The following ARID1A variants were observed in gnomAD, a reference collection of about 807,000 sequenced individuals.
The protein encoded by ARID1A is AT-rich interactive domain-containing protein 1A.
Under a neutral mutation model 212.6 loss-of-function variants are expected in ARID1A, and 20 were observed. That is an observed-to-expected ratio of 0.09 (90% CI 0.07 to 0.14). The LOEUF (loss-of-function observed/expected upper bound fraction) is 0.14. ARID1A is among the 10% of genes least tolerant of loss of function. The probability of loss-of-function intolerance (pLI) is 1.00; values close to 1 mark genes in which losing one functional copy is unlikely to be tolerated. For missense variants in ARID1A, 2,587 were observed against 3,059.0 expected (o/e 0.85, Z 3.64); for synonymous variants, 1,376 against 1,222.1 (o/e 1.13, Z -2.63).
At chr1:26,754,234 TA>T (rs1243768480) in intron 4 of ARID1A, among the ~76,000 whole-genome samples, 3 of 152,176 alleles carry the variant, frequency 2.0e-5, no homozygotes, top group Admixed American at 2.0e-4. Context: ...TGGCTTTTTG[TA>T]GAGTAGAAAG....
chr1:26,779,534 G>A lies in ARID1A; in HGVS notation c.5636G>A (p.Arg1879Gln), dbSNP rs371595717. 1.6e-4 allele frequency: 264 copies of A among 1,613,964 alleles called. No individual in the cohort carries two copies. The highest frequency in any genetic ancestry group is 2.1e-4 in the Non-Finnish European group (242 of 1,180,016). The stretch of plus-strand genomic sequence containing the variant: ...CACGCACCCTGCCCACCAGCCCCTC[G>A]GAAGCATGTGACAACAGCAGAGGGT... ...RPHAPCPPAP[R>Q]KHVTTAEGTP... The change falls in exon 20 of 20, where the codon CGG becomes CAG. Residue 1879 changes from arginine (R) to glutamine (Q), a missense_variant. By Grantham distance (43) the Arg-to-Gln change is conservative. This residue lies in a region of ARID1A where 890 missense variants were observed against 1,098.2 expected (regional missense o/e 0.81). Transcript: ENST00000324856.
intron 1 of ARID1A, among the ~76,000 whole-genome samples, chr1:26,701,678 G>A (rs1391997003): frequency 6.6e-6 from 1 of 152,186 alleles, no homozygotes; most frequent in African/African-American, 2.4e-5. Context: ...TGTTATGAAG[G>A]CAGCTTTCTG....
intron 6 of ARID1A, among the ~76,000 whole-genome samples, chr1:26,761,811 GT>G: frequency 6.6e-6 from 1 of 152,178 alleles, no homozygotes. Flanking sequence ...ACTTGTCTGT[GT>G]TTTGATGGTT....
At chr1:26,751,134 A>C (rs558585542) in intron 4 of ARID1A, among the ~76,000 whole-genome samples, 34 of 152,134 alleles carry the variant, frequency 2.2e-4, no homozygotes, top group African/African-American at 8.0e-4. Flanking sequence ...GAGGGTCTGT[A>C]ATCCCAGCTA....
chr1:26,711,959 G>A (rs1229347662), intron 1 of ARID1A, among the ~76,000 whole-genome samples: 2 of 152,016 alleles, frequency 1.3e-5, no homozygotes, highest in Non-Finnish European at 2.9e-5. Flanking sequence ...ATGCGCGCCT[G>A]TAGTCTCAGC....
At chr1:26,723,593 T>A (rs2080586859) in intron 1 of ARID1A, among the ~76,000 whole-genome samples, 1 of 152,172 alleles carries the variant, frequency 6.6e-6, no homozygotes, top group Non-Finnish European at 1.5e-5. Flanking sequence ...GGCCAGAGAT[T>A]ACGAGCACTA....
At position 26,775,199 on chromosome 1, in the gene ARID1A, C is replaced by T. The variant is rs1442666063; in HGVS notation, c.4972C>T (p.Arg1658Trp). The T allele has an allele frequency of 4.4e-6, 7 of 1,594,650 alleles. No individual in the cohort carries two copies. Among genetic ancestry groups the T allele is most frequent in the African/African-American group, 4.1e-5 (3 of 73,968 alleles). Reference sequence around the variant, plus strand: ...ACAGCCTGTGTTGAAGCAGAGGAGGCGGCTCACAATGAAAGACATTGGTAA... The same window carrying T: ...ACAGCCTGTGTTGAAGCAGAGGAGGTGGCTCACAATGAAAGACATTGGTAA... ...ATQPVLKQRRRLTMKDIGTPE... is the reference protein window; with the variant it reads ...ATQPVLKQRRWLTMKDIGTPE... The change falls in exon 18 of 20, where the codon CGG becomes TGG. Residue 1658 changes from arginine to tryptophan, a missense_variant. Physicochemically the swap from Arg to Trp is moderately radical, Grantham distance 101. Around this residue, in one of 11 missense-constraint regions of ARID1A, gnomAD observed 890 missense variants for 1,098.2 expected, o/e 0.81. Transcript: ENST00000324856.
chr1:26,719,044 C>T (rs140576417), intron 1 of ARID1A, among the ~76,000 whole-genome samples: 1 of 152,138 alleles, frequency 6.6e-6, no homozygotes, highest in African/African-American at 2.4e-5. Context: ...GGGGGTACTC[C>T]TGTAGATCCA....
intron 2 of ARID1A, 32 bp downstream of exon 2, chr1:26,729,895 G>A (rs2080656998): frequency 2.5e-6 from 4 of 1,601,598 alleles, no homozygotes; most frequent in Non-Finnish European, 1.7e-6. Context: ...CTTGACCCTT[G>A]TTGCTGTCCA....
At chr1:26,711,415 C>T (rs1223690657) in intron 1 of ARID1A, among the ~76,000 whole-genome samples, 5 of 152,042 alleles carry the variant, frequency 3.3e-5, no homozygotes, top group Non-Finnish European at 7.4e-5. Context: ...GAGCCAGCGC[C>T]CCCGGCTCTT....
chr1:26,752,690 C>G (rs1298339827), intron 4 of ARID1A, among the ~76,000 whole-genome samples: 1 of 152,194 alleles, frequency 6.6e-6, no homozygotes, highest in Non-Finnish European at 1.5e-5. Context: ...TCCTCCCATT[C>G]TTCAGCATGA....
At chr1:26,698,461 G>C (rs2080300820) in intron 1 of ARID1A, among the ~76,000 whole-genome samples, 1 of 152,200 alleles carries the variant, frequency 6.6e-6, no homozygotes, top group African/African-American at 2.4e-5. Flanking sequence ...CTTGAGGAGG[G>C]AGGTTTAAGT....
At chr1:26,760,338 G>T (rs1407308796) in intron 4 of ARID1A, among the ~76,000 whole-genome samples, 3 of 152,152 alleles carry the variant, frequency 2.0e-5, no homozygotes, top group Non-Finnish European at 4.4e-5. Context: ...GGCCCACAAA[G>T]GTCTAATATA....
intron 1 of ARID1A, among the ~76,000 whole-genome samples, chr1:26,703,311 GGAA>G (rs1016027101): frequency 2.0e-5 from 3 of 152,078 alleles, no homozygotes; most frequent in South Asian, 2.1e-4. Context: ...TTCTTTTTAT[GGAA>G]GAAGAAGAAG....
intron 1 of ARID1A, among the ~76,000 whole-genome samples, chr1:26,717,430 G>A (rs936131298): frequency 6.6e-6 from 1 of 152,202 alleles, no homozygotes; most frequent in Non-Finnish European, 1.5e-5. Flanking sequence ...GAGATAAAGT[G>A]ACTTGCTCAA....
chr1:26,771,283 T>A lies in ARID1A; in HGVS notation c.3363T>A (p.Ala1121=), dbSNP rs1443587166. ...EDPPPDIFAA[A]DSKKSQPKIQ... ...CTCCCCCAGACATCTTTGCAGCTGC[T>A]GATTCCAAGAAGTCCCAGCCCAAGA... The change falls in exon 12 of 20, where the codon GCT becomes GCA. Residue 1121 remains alanine (A), a synonymous_variant. Transcript: ENST00000324856. The surrounding 1 kb of genome is among the most constrained non-coding windows in gnomAD (Gnocchi z 5.4). The A allele has an allele frequency of 3.1e-6, 5 of 1,614,198 alleles. No homozygotes were observed. Among genetic ancestry groups the A allele is most frequent in the Non-Finnish European group, 4.2e-6 (5 of 1,180,040 alleles).
chr1:26,763,170 G>A lies in ARID1A; in HGVS notation c.2617G>A (p.Ala873Thr), dbSNP rs764016104. The A allele has an allele frequency of 6.2e-7, 1 of 1,614,270 alleles. No homozygotes were observed. The highest frequency in any genetic ancestry group is 8.5e-7 in the Non-Finnish European group (1 of 1,180,044). ...MGNRPYGPNMANMPPQVGSGM... is the reference protein window; with the variant it reads ...MGNRPYGPNMTNMPPQVGSGM... Reference sequence around the variant, plus strand: ...CAACCGGCCTTATGGCCCTAACATGGCCAATATGCCACCTCAGGTTGGGTC... The same window carrying A: ...CAACCGGCCTTATGGCCCTAACATGACCAATATGCCACCTCAGGTTGGGTC... Residue 873 changes from alanine to threonine, a missense_variant, in exon 8 of 20, where the codon GCC (alanine) becomes ACC (threonine). Ala to Thr is a moderately conservative substitution (Grantham distance 58). Transcript: ENST00000324856.
intron 1 of ARID1A, among the ~76,000 whole-genome samples, chr1:26,702,468 C>T (rs2080340222): frequency 6.6e-6 from 1 of 152,174 alleles, no homozygotes. Flanking sequence ...CTGTGCTTGA[C>T]ACAGCATCTT....
intron 1 of ARID1A, among the ~76,000 whole-genome samples, chr1:26,703,963 A>G (rs2080362966): frequency 6.6e-6 from 1 of 152,258 alleles, no homozygotes; most frequent in African/African-American, 2.4e-5. Flanking sequence ...AGGTTCAATC[A>G]GTTTGGCAGG....
Sources: allele counts gnomAD v4.1 joint callset (sites outside exome capture counted in the v4.1 genomes callset), GRCh38; gene constraint gnomAD v4.1.1; regional missense constraint gnomAD v4.1.1; non-coding constraint Gnocchi (gnomAD v3.1); transcripts MANE v1.5; gene names NCBI Gene and HGNC (gene_info 2026-07-23, HGNC 2026-07-21).